The following NRG2 variants were observed in gnomAD, a reference collection of about 807,000 sequenced individuals.
NRG2 encodes neuregulin 2.
NRG2 carries 27 observed loss-of-function variants against 73.9 expected under a neutral mutation model. That is an observed-to-expected ratio of 0.37 (90% confidence interval 0.27 to 0.50). The LOEUF (loss-of-function observed/expected upper bound fraction) is 0.50, where lower values mean the gene tolerates loss of function less well. NRG2 is among the 20% of genes least tolerant of loss of function. The pLI, the probability that NRG2 is intolerant of heterozygous loss-of-function variation, is 0.96. For missense variants in NRG2, 1,126 were observed against 1,210.1 expected, an observed-to-expected ratio of 0.93 and a Z score of 1.03; for synonymous variants, 532 against 541.0, an observed-to-expected ratio of 0.98 and a Z score of 0.23.
intron 5 of NRG2, among the ~76,000 whole-genome samples, chr5:139,858,384 A>G (rs1761940413): frequency 6.6e-6 from 1 of 151,980 alleles, no homozygotes; most frequent in Non-Finnish European, 1.5e-5. Context: ...CCTCAGATAA[A>G]TCTTCCCTGA....
chr5:139,910,971 G>T (rs1765529201), intron 1 of NRG2, among the ~76,000 whole-genome samples: 1 of 152,092 alleles, frequency 6.6e-6, no homozygotes, highest in Admixed American at 6.5e-5. Context: ...CCAGAAGAGA[G>T]AAGAAAGCAT....
intron 5 of NRG2, among the ~76,000 whole-genome samples, chr5:139,863,812 C>A (rs902847509): frequency 1.3e-5 from 2 of 152,208 alleles, no homozygotes; most frequent in African/African-American, 2.4e-5. Flanking sequence ...CCTCCTTGGC[C>A]TCCCACACTC....
At chr5:139,995,416 A>G (rs981403964) in intron 1 of NRG2, among the ~76,000 whole-genome samples, 1 of 151,530 alleles carries the variant, frequency 6.6e-6, no homozygotes, top group Admixed American at 6.6e-5. Context: ...AAGTGGATTT[A>G]AAAAAAAATA....
In NRG2 at chr5:139,870,640, G is replaced by A. The variant is rs1364477534; in HGVS notation, c.1112+1081C>T. ...GGTGGCCTTTGCCCAGATGCCATGGGAATGGGGCAGCTTTAGCAACTTGCC... is the reference window on the plus strand; with the variant it reads ...GGTGGCCTTTGCCCAGATGCCATGGAAATGGGGCAGCTTTAGCAACTTGCC... On this transcript the variant is annotated intron_variant, in intron 4 of 9. Transcript: ENST00000361474. The surrounding 1 kb of genome is among the most constrained non-coding windows in gnomAD (Gnocchi z 4.4). 6.6e-6 allele frequency among the ~76,000 whole-genome samples: 1 copy of A among 152,196 alleles called. No homozygotes were observed. The highest frequency in any genetic ancestry group is 2.4e-5 in the African/African-American group (1 of 41,450).
intron 1 of NRG2, among the ~76,000 whole-genome samples, chr5:139,909,039 A>T: frequency 6.6e-6 from 1 of 152,240 alleles, no homozygotes; most frequent in East Asian, 1.9e-4. Context: ...GTACAACCTC[A>T]TGCAGAGTGA....
At chr5:139,848,771 T>TC in intron 9 of NRG2, 74 bp from the exon 10 acceptor site, 1 of 54,658 alleles carries the variant, frequency 1.8e-5, no homozygotes, top group Non-Finnish European at 3.2e-5. Context: ...GGGGGTGGGG[T>TC]AGGGTGGGAG....
chr5:139,876,468 A>G (rs1763180010), intron 3 of NRG2, among the ~76,000 whole-genome samples: 1 of 152,154 alleles, frequency 6.6e-6, no homozygotes, highest in Non-Finnish European at 1.5e-5. Context: ...TAAAAGGGTG[A>G]ATTTTATGGT....
intron 3 of NRG2, among the ~76,000 whole-genome samples, chr5:139,872,453 G>A (rs1762925754): frequency 6.6e-6 from 1 of 152,178 alleles, no homozygotes; most frequent in South Asian, 2.1e-4. Flanking sequence ...GCTAGCTCCA[G>A]GAATGCTTCA....
At chr5:140,015,590 T>C (rs1580950408) in intron 1 of NRG2, among the ~76,000 whole-genome samples, 1 of 152,210 alleles carries the variant, frequency 6.6e-6, no homozygotes, top group East Asian at 1.9e-4. Flanking sequence ...GGTACCAGCA[T>C]TCTAGGGTCC....
At chr5:139,947,636 C>T (rs1753895601) in intron 1 of NRG2, among the ~76,000 whole-genome samples, 1 of 152,198 alleles carries the variant, frequency 6.6e-6, no homozygotes, top group South Asian at 2.1e-4. Context: ...CTTTTCCAAA[C>T]CAACTGCATG....
At chr5:139,925,161 GGT>G (rs1445141844) in intron 1 of NRG2, among the ~76,000 whole-genome samples, 2 of 152,084 alleles carry the variant, frequency 1.3e-5, no homozygotes, top group Non-Finnish European at 2.9e-5. Context: ...TCTATTGTAT[GGT>G]TTCCTTTTTG....
At chr5:140,041,875 CG>C (rs997560790) in intron 1 of NRG2, among the ~76,000 whole-genome samples, 13 of 151,944 alleles carry the variant, frequency 8.6e-5, no homozygotes, top group Admixed American at 2.0e-4. Flanking sequence ...GGGGCGGGGG[CG>C]ACCATTCCCT....
chr5:139,928,312 G>T (rs1752212930), intron 1 of NRG2, among the ~76,000 whole-genome samples: 1 of 152,116 alleles, frequency 6.6e-6, no homozygotes, highest in East Asian at 1.9e-4. Context: ...CTGCAGCAAT[G>T]AATATAGTGT....
At chr5:140,030,588 A>G (rs1761058490) in intron 1 of NRG2, among the ~76,000 whole-genome samples, 1 of 152,232 alleles carries the variant, frequency 6.6e-6, no homozygotes, top group South Asian at 2.1e-4. Flanking sequence ...CTGAGTGTAA[A>G]CCATACACAG....
intron 1 of NRG2, among the ~76,000 whole-genome samples, chr5:139,993,309 C>T (rs924166830): frequency 1.3e-5 from 2 of 152,208 alleles, no homozygotes; most frequent in African/African-American, 4.8e-5. Flanking sequence ...TTCTCATCTA[C>T]ATCTACCTCT....
chr5:139,978,964 T>C (rs1481022425), intron 1 of NRG2, among the ~76,000 whole-genome samples: 2 of 151,504 alleles, frequency 1.3e-5, no homozygotes, highest in Non-Finnish European at 2.9e-5. Context: ...AAACCATCAT[T>C]CTCAGCAAAC....
chr5:139,885,993 G>C (rs1037097886), intron 2 of NRG2, among the ~76,000 whole-genome samples: 2 of 152,066 alleles, frequency 1.3e-5, no homozygotes, highest in Non-Finnish European at 2.9e-5. Flanking sequence ...GAAGGGGTGG[G>C]GTGGTCTCGG....
intron 1 of NRG2, among the ~76,000 whole-genome samples, chr5:139,966,358 A>C (rs1417668679): frequency 6.6e-6 from 1 of 152,236 alleles, no homozygotes; most frequent in East Asian, 1.9e-4. Context: ...CCCTCCACGA[A>C]ACAAATAAAC....
At chr5:140,023,886 T>C (rs529972330) in intron 1 of NRG2, among the ~76,000 whole-genome samples, 233 of 152,242 alleles carry the variant, frequency 1.5e-3, no homozygotes, top group African/African-American at 5.3e-3. Context: ...TGTAGCAAAA[T>C]TGGTTTCTCG....
Sources: allele counts gnomAD v4.1 joint callset (sites outside exome capture counted in the v4.1 genomes callset), GRCh38; gene constraint gnomAD v4.1.1; non-coding constraint Gnocchi (gnomAD v3.1); transcripts MANE v1.5; gene names NCBI Gene and HGNC (gene_info 2026-07-23, HGNC 2026-07-21).